Variants in KHDC4 observed in about 807,000 individuals in gnomAD.
KHDC4 encodes the protein KH homology domain-containing protein 4.
Under a neutral mutation model 74.5 loss-of-function variants are expected in KHDC4, and 19 were observed. The ratio of observed to expected loss-of-function variants is 0.26; its 90% confidence interval spans 0.18 to 0.37. The LOEUF (loss-of-function observed/expected upper bound fraction) is 0.37. Ranked by LOEUF, KHDC4 falls within the 10% of genes least tolerant of loss-of-function variation. The pLI, the probability that KHDC4 is intolerant of heterozygous loss-of-function variation, is 1.00. For synonymous variants in KHDC4, 253 were observed against 266.1 expected, an observed-to-expected ratio of 0.95 and a Z score of 0.48; for missense variants, 632 against 754.1, an observed-to-expected ratio of 0.84 and a Z score of 1.90.
In KHDC4 at chr1:155,914,224, T is replaced by A. The variant is rs1673683929; in HGVS notation, c.1742A>T (p.His581Leu). The A allele has an allele frequency of 6.2e-7, 1 of 1,614,186 alleles. No individual in the cohort carries two copies. Residue 581 changes from histidine (H) to leucine (L), a missense_variant, in exon 14 of 14, where the codon CAT becomes CTT. This residue lies in a region of KHDC4 where 41 missense variants were observed against 66.0 expected (regional missense o/e 0.62). Transcript: ENST00000368321. ...CTGTGGAAAACTACTTGCATTTTTA[T>A]GACCTCCATGTTCCTCCTCTTCATC... ...SSDEEEEHGG[H>L]KNASSFPQGW...
Position 155,916,736 on chromosome 1 carries a change from T to C in KHDC4, c.1442A>G (p.His481Arg), listed in dbSNP as rs1673739859. The change falls in exon 12 of 14, where the codon CAT becomes CGT. Residue 481 changes from histidine (H) to arginine (R), a missense_variant and splice_region_variant. This residue lies in a region of KHDC4 where 254 missense variants were observed against 267.4 expected (regional missense o/e 0.95). Coordinates refer to ENST00000368321, the MANE Select transcript of KHDC4 (RefSeq NM_014949.4). ...TAAATTAGTCATATGAATGGGTCCA[T>C]GCTATGAGCAGAAAAATACAGTGGC... ...ERESGLLGYQ[H>R]GPIHMTNLGT... 6.2e-7 allele frequency: 1 copy of C among 1,602,958 alleles called. No individual in the cohort carries two copies. The highest frequency in any genetic ancestry group is 8.5e-7 in the Non-Finnish European group (1 of 1,171,678).
intron 7 of KHDC4, among the ~76,000 whole-genome samples, chr1:155,924,581 T>C (rs1673941956): frequency 6.7e-6 from 1 of 149,708 alleles, no homozygotes; most frequent in African/African-American, 2.5e-5. Flanking sequence ...TCTCTTTTTT[T>C]TTTTTTTTTT....
intron 11 of KHDC4, 77 bp downstream of exon 11, chr1:155,917,422 G>A (rs1673755989): frequency 2.4e-6 from 3 of 1,234,834 alleles, no homozygotes; most frequent in Middle Eastern, 2.4e-4. Flanking sequence ...GGAGAATGAT[G>A]TGAATTTATC....
In KHDC4 at chr1:155,933,623, C is replaced by G; in HGVS notation, c.255+10G>C. On this transcript the variant is annotated intron_variant, in intron 2 of 13. Coordinates refer to ENST00000368321, the MANE Select transcript of KHDC4 (RefSeq NM_014949.4). ...TTCGCAATTAGTGGAGACCCTTCAA[C>G]TTCAAATACCTTCTCAGAAGCATTC... 1 of 1,587,662 alleles carries G rather than the reference C, an allele frequency of 6.3e-7. No homozygotes were observed. Among genetic ancestry groups the G allele is most frequent in the Non-Finnish European group, 8.6e-7 (1 of 1,159,720 alleles).
At chr1:155,921,797 G>A in intron 9 of KHDC4, 64 bp downstream of exon 9, 2 of 1,427,272 alleles carry the variant, frequency 1.4e-6, no homozygotes, top group Non-Finnish European at 2.0e-6. Context: ...CTAGCCTCAA[G>A]TATCATAGTT....
intron 4 of KHDC4, among the ~76,000 whole-genome samples, chr1:155,928,405 G>A (rs1674068153): frequency 6.6e-6 from 1 of 151,896 alleles, no homozygotes; most frequent in African/African-American, 2.4e-5. Context: ...TAAATTCTTG[G>A]CTTGGGGTAG....
intron 10 of KHDC4, among the ~76,000 whole-genome samples, chr1:155,920,427 ACT>A (rs1056691103): frequency 6.6e-5 from 10 of 152,092 alleles, no homozygotes; most frequent in South Asian, 6.2e-4. Context: ...ACAGAGCGAG[ACT>A]CTGTCTCAAA....
chr1:155,922,144 TC>T (rs148952351), intron 8 of KHDC4: 3 of 222,180 alleles, frequency 1.4e-5, no homozygotes, highest in Non-Finnish European at 1.6e-5. Context: ...TCACTGCAAA[TC>T]TTTTTTTTTT....
intron 4 of KHDC4, among the ~76,000 whole-genome samples, chr1:155,927,834 A>ACACACC (rs1189754485): frequency 1.9e-4 from 2 of 10,270 alleles, no homozygotes; most frequent in African/African-American, 4.3e-4. Flanking sequence ...AAAAAAAACC[A>ACACACC]CACACACACA....
At chr1:155,917,697 GA>G in intron 10 of KHDC4, 25 bp from the exon 11 acceptor site, 17 of 1,467,166 alleles carry the variant, frequency 1.2e-5, no homozygotes, top group Non-Finnish European at 1.4e-5. Flanking sequence ...AACCAAGGAA[GA>G]AAAAAAGTGT....
At chr1:155,921,297 T>C in intron 10 of KHDC4, 78 bp downstream of exon 10, 2 of 1,497,346 alleles carry the variant, frequency 1.3e-6, no homozygotes, top group East Asian at 2.3e-5. Flanking sequence ...GATTTATTTC[T>C]GGAATACCAC....
In KHDC4 at chr1:155,933,812, G is replaced by A. The variant is rs1272574234; in HGVS notation, c.76C>T (p.Leu26Phe). ...GGGGCCGCTGGCGGGAGGAAGAGAA[G>A]TGGGGCTGGAGCTGGTTGGTCCCAT... ...SKWDQPAPAP[L>F]LFLPPAAPGG... Residue 26 changes from leucine (L) to phenylalanine (F), a missense_variant, in exon 2 of 14, where the codon CTT (leucine) becomes TTT (phenylalanine). This residue lies in a region of KHDC4 where 104 missense variants were observed against 78.1 expected (regional missense o/e 1.33). Coordinates refer to ENST00000368321, the MANE Select transcript of KHDC4 (RefSeq NM_014949.4). 6.3e-7 allele frequency: 1 copy of A among 1,589,454 alleles called. No homozygotes were observed. Among genetic ancestry groups the A allele is most frequent in the Non-Finnish European group, 8.6e-7 (1 of 1,166,600 alleles).
intron 8 of KHDC4, 76 bp from the exon 9 acceptor site, chr1:155,921,994 T>TG (rs1326186346): frequency 2.3e-6 from 2 of 865,778 alleles, no homozygotes; most frequent in Non-Finnish European, 3.8e-6. Flanking sequence ...TACATAATTC[T>TG]AGGACCAAAG....
At position 155,921,546 on chromosome 1, in the gene KHDC4, A is replaced by C; in HGVS notation, c.1095T>G (p.Pro365=). ...CTGGCTGCTGAGGAGGGGGAACAAC[A>C]GGGTAACCAGACTGATAGCCATTGG... ...YPSNGYQSGY[P]VVPPPQQPVQ... The change falls in exon 10 of 14, where the codon CCT becomes CCG. Residue 365 remains proline, a synonymous_variant. Transcript: ENST00000368321. 6.2e-7 allele frequency: 1 copy of C among 1,614,166 alleles called. No individual in the cohort carries two copies. The highest frequency in any genetic ancestry group is 8.5e-7 in the Non-Finnish European group (1 of 1,180,028).
intron 10 of KHDC4, among the ~76,000 whole-genome samples, chr1:155,918,982 T>G (rs911205759): frequency 4.0e-5 from 6 of 150,434 alleles, no homozygotes; most frequent in Admixed American, 1.3e-4. Context: ...TTTTTTTTTT[T>G]TTTTTTTTTT....
At chr1:155,923,838 C>T (rs1044941557) in intron 7 of KHDC4, 151 bp from the exon 8 acceptor site, 31 of 603,598 alleles carry the variant, frequency 5.1e-5, no homozygotes, top group Middle Eastern at 5.8e-4. Flanking sequence ...AACAGAAACA[C>T]AAAACATAAG....
At chr1:155,927,865 C>CACACACAT (rs1674050665) in intron 4 of KHDC4, among the ~76,000 whole-genome samples, 1 of 45,280 alleles carries the variant, frequency 2.2e-5, no homozygotes, top group Admixed American at 2.6e-4. Context: ...CACACACACA[C>CACACACAT]ACACACACAA....
At chr1:155,929,470 A>C in intron 3 of KHDC4, 95 bp from the exon 4 acceptor site, 1 of 1,150,380 alleles carries the variant, frequency 8.7e-7, no homozygotes, top group Non-Finnish European at 1.3e-6. Context: ...AACCAAGTAA[A>C]GAAGGAAAGA....
At position 155,913,714 on chromosome 1, in the gene KHDC4, TGTAACCA is replaced by T. The variant is rs1299614298; in HGVS notation, c.*400_*406del. On this transcript the variant is annotated 3_prime_UTR_variant, in exon 14 of 14. Transcript: ENST00000368321. ...CACTAATAAATAGTAAGGCTCTGTTTGTAACCAGTTATATATCAAAATTGACCAAACA... is the reference window on the plus strand; with the variant it reads ...CACTAATAAATAGTAAGGCTCTGTTTGTTATATATCAAAATTGACCAAACA... 6.0e-6 allele frequency: 1 copy of T among 167,420 alleles called. No individual in the cohort carries two copies. The highest frequency in any genetic ancestry group is 1.3e-5 in the Non-Finnish European group (1 of 76,930). 10.4% of individuals were successfully genotyped at this position (167,420 alleles called of 1,614,324 possible). A position where few individuals can be genotyped will look rare whatever the true frequency, so the allele number is the denominator to read the frequency against.
Sources: gnomAD v4.1 joint callset for allele counts (sites outside exome capture counted in the v4.1 genomes callset) on GRCh38, gnomAD v4.1.1 for gene constraint, gnomAD v4.1.1 regional missense constraint, MANE v1.5 for transcripts, NCBI Gene and HGNC (gene_info 2026-07-23, HGNC 2026-07-21) for gene names.